Variants in CCDC77 observed in about 807,000 individuals in gnomAD.
CCDC77 encodes coiled-coil domain-containing protein 77.
CCDC77 carries 56 observed loss-of-function variants against 66.8 expected under a neutral mutation model. The ratio of observed to expected loss-of-function variants is 0.84; its 90% CI spans 0.68 to 1.05. The LOEUF (loss-of-function observed/expected upper bound fraction) is 1.05, where lower values mean the gene tolerates loss of function less well. Among genes scored for constraint, CCDC77 ranks in the 50% least tolerant of loss-of-function variants. CCDC77 has a pLI of 0.00. For synonymous variants in CCDC77, 196 were observed against 195.2 expected, an observed-to-expected ratio of 1.00 and a Z score of -0.03; for missense variants, 570 against 576.8, an observed-to-expected ratio of 0.99 and a Z score of 0.12.
At chr12:419,437 TG>T (rs1436938668) in intron 5 of CCDC77, among the ~76,000 whole-genome samples, 1 of 148,492 alleles carries the variant, frequency 6.7e-6, no homozygotes, top group African/African-American at 2.6e-5. Context: ...CTTCTGTGTG[TG>T]TGTGCTGGGA....
Position 442,181 on chromosome 12 carries a change from A to T in CCDC77, c.*261A>T. 2.5e-6 allele frequency: 1 copy of T among 398,380 alleles called. No homozygotes were observed. The highest frequency in any genetic ancestry group is 4.6e-6 in the Non-Finnish European group (1 of 219,724). The allele number at this position is 398,380 out of a possible 1,614,324, so 24.7% of individuals were successfully genotyped here. A position where few individuals can be genotyped will look rare whatever the true frequency, so the allele number is the denominator to read the frequency against. On this transcript the variant is annotated 3_prime_UTR_variant, in exon 13 of 13. Coordinates refer to ENST00000239830, the MANE Select transcript of CCDC77 (RefSeq NM_032358.4). ...AATGACTTGGAGGCTTTCATTATTT[A>T]TCCTGTCTGTATTGACCGGTTTTTG...
At chr12:419,321 A>T (rs1945350692) in intron 5 of CCDC77, among the ~76,000 whole-genome samples, 3 of 152,244 alleles carry the variant, frequency 2.0e-5, no homozygotes, top group Admixed American at 1.3e-4. Context: ...TGGGAGAAGA[A>T]GCCCCCTTCA....
chr12:411,818 T>G lies in CCDC77; in HGVS notation c.110T>G (p.Leu37Arg). Residue 37 changes from leucine to arginine, a missense_variant, in exon 4 of 13, where the codon CTG becomes CGG. Coordinates refer to ENST00000239830, the MANE Select transcript of CCDC77 (RefSeq NM_032358.4). ...PTKRRGMADS[L>R]ESTPLPSPED... ...AAGAGGAGGGGAATGGCAGATTCAC[T>G]GGAGTCAACCCCCTTGCCTTCCCCC... 6.2e-7 allele frequency: 1 copy of G among 1,614,062 alleles called. No individual in the cohort carries two copies. Among genetic ancestry groups the G allele is most frequent in the Non-Finnish European group, 8.5e-7 (1 of 1,180,018 alleles).
intron 7 of CCDC77, among the ~76,000 whole-genome samples, chr12:431,212 C>CTTTTTT (rs61068771): frequency 1.0e-4 from 12 of 115,774 alleles, no homozygotes; most frequent in South Asian, 2.8e-4. Context: ...TTGCTCAGTT[C>CTTTTTT]TTTTTTTTTT....
At chr12:413,128 CG>C (rs371980589) in intron 4 of CCDC77, among the ~76,000 whole-genome samples, 140 of 150,886 alleles carry the variant, frequency 9.3e-4, no homozygotes, top group African/African-American at 3.3e-3. Flanking sequence ...TTAGTAGAGA[CG>C]GGGTTTCACC....
chr12:405,635 G>A (rs1591960486), intron 2 of CCDC77, 71 bp downstream of exon 2: 1 of 152,092 alleles, frequency 6.6e-6, no homozygotes, highest in African/African-American at 2.4e-5. Flanking sequence ...TTGAAGGGTT[G>A]GCTGTAGAAG....
upstream of CCDC77, among the ~76,000 whole-genome samples, chr12:401,384 C>G (rs1426390558): frequency 5.9e-5 from 9 of 152,244 alleles, no homozygotes; most frequent in Admixed American, 5.9e-4. Context: ...TGACCCCAAA[C>G]GTCACACTAC....
chr12:394,266 C>G (rs1008190049), intron 1 of CCDC77, among the ~76,000 whole-genome samples: 1 of 152,220 alleles, frequency 6.6e-6, no homozygotes, highest in African/African-American at 2.4e-5. Context: ...CCTCTGTATG[C>G]AACTGAGTGC....
chr12:390,888 G>A (rs1309637621), intron 1 of CCDC77, among the ~76,000 whole-genome samples: 4 of 152,148 alleles, frequency 2.6e-5, no homozygotes, highest in African/African-American at 9.7e-5. Context: ...TCTCCACATG[G>A]CTTCTCATCT....
At chr12:392,468 G>C (rs1161062658) in intron 1 of CCDC77, among the ~76,000 whole-genome samples, 2 of 152,092 alleles carry the variant, frequency 1.3e-5, no homozygotes, top group Non-Finnish European at 2.9e-5. Flanking sequence ...TTGAGGCCAG[G>C]CACGGTGGCT....
At chr12:401,394 C>G (rs1344961488), upstream of CCDC77, among the ~76,000 whole-genome samples, 3 of 152,258 alleles carry the variant, frequency 2.0e-5, no homozygotes, top group Admixed American at 6.5e-5. Flanking sequence ...CGTCACACTA[C>G]CCGTCCCTGG....
At chr12:390,736 A>ACAC (rs146102873) in intron 1 of CCDC77, among the ~76,000 whole-genome samples, 1 of 149,350 alleles carries the variant, frequency 6.7e-6, no homozygotes, top group Non-Finnish European at 1.5e-5. Flanking sequence ...TATCTTTATA[A>ACAC]ACACACACAC....
At chr12:439,781 GA>G (rs764606601) in intron 10 of CCDC77, among the ~76,000 whole-genome samples, 28 of 135,190 alleles carry the variant, frequency 2.1e-4, no homozygotes, top group Admixed American at 2.2e-4. Flanking sequence ...CTCCGTCTCA[GA>G]AAAAAAAAAA....
At chr12:398,619 T>C (rs954130244), upstream of CCDC77, among the ~76,000 whole-genome samples, 1 of 152,004 alleles carries the variant, frequency 6.6e-6, no homozygotes, top group African/African-American at 2.4e-5. Flanking sequence ...TCTGCAGTTA[T>C]TTCGTCCATG....
intron 9 of CCDC77, among the ~76,000 whole-genome samples, chr12:434,624 T>C (rs1945714769): frequency 6.6e-6 from 1 of 152,216 alleles, no homozygotes; most frequent in Admixed American, 6.5e-5. Context: ...AGTGCTGGGA[T>C]TACAGGCATG....
At chr12:390,736 A>AACACACACAC (rs58938735) in intron 1 of CCDC77, among the ~76,000 whole-genome samples, 2,257 of 149,444 alleles carry the variant, frequency 0.015, 29 homozygotes, top group African/African-American at 0.031. Context: ...TATCTTTATA[A>AACACACACAC]ACACACACAC....
intron 4 of CCDC77, among the ~76,000 whole-genome samples, chr12:415,859 G>A (rs1334184466): frequency 2.0e-5 from 3 of 151,834 alleles, no homozygotes; most frequent in African/African-American, 7.3e-5. Flanking sequence ...AGGCTGGAGT[G>A]CAGTGGCACA....
chr12:419,314 G>A (rs932069561), intron 5 of CCDC77, among the ~76,000 whole-genome samples: 17 of 152,322 alleles, frequency 1.1e-4, no homozygotes, highest in African/African-American at 3.6e-4. Context: ...GTAAACTTGG[G>A]AGAAGAAGCC....
At chr12:428,376 T>G (rs901941786) in intron 5 of CCDC77, among the ~76,000 whole-genome samples, 1 of 151,590 alleles carries the variant, frequency 6.6e-6, no homozygotes, top group Non-Finnish European at 1.5e-5. Flanking sequence ...CCGGGCATAG[T>G]GGCGGGCGCC....
Sources: gnomAD v4.1 joint callset for allele counts (sites outside exome capture counted in the v4.1 genomes callset) on GRCh38, gnomAD v4.1.1 for gene constraint, MANE v1.5 for transcripts, NCBI Gene and HGNC (gene_info 2026-07-23, HGNC 2026-07-21) for gene names.